SORCS1: variants seen among roughly 807,000 people sequenced by gnomAD.
SORCS1 encodes the protein sortilin related VPS10 domain containing receptor 1, also known as VPS10 domain-containing receptor SorCS1.
Under a neutral mutation model 146.1 loss-of-function variants are expected in SORCS1, and 60 were observed. That is an observed-to-expected ratio of 0.41 (90% CI 0.33 to 0.51). SORCS1 has a LOEUF of 0.51. Ranked by LOEUF, SORCS1 falls within the 20% of genes least tolerant of loss-of-function variation. The pLI, the probability that SORCS1 is intolerant of heterozygous loss-of-function variation, is 0.21. For synonymous variants in SORCS1, 637 were observed against 584.0 expected, an observed-to-expected ratio of 1.09 and a Z score of -1.31; for missense variants, 1,352 against 1,487.6, an observed-to-expected ratio of 0.91 and a Z score of 1.50.
the SORCS1 span, among the ~76,000 whole-genome samples, chr10:107,176,181 G>T: frequency 6.6e-6 from 1 of 151,698 alleles, no homozygotes; most frequent in African/African-American, 2.4e-5. Context: ...TTTGATTCAT[G>T]AGTTATTAAA....
intron 1 of SORCS1, among the ~76,000 whole-genome samples, chr10:107,086,660 T>C (rs1419472461): frequency 6.6e-6 from 1 of 152,182 alleles, no homozygotes; most frequent in African/African-American, 2.4e-5. Context: ...TAGCCATTAG[T>C]TGTATTAAGT....
At chr10:106,993,873 G>A (rs1956875426) in intron 1 of SORCS1, among the ~76,000 whole-genome samples, 1 of 151,908 alleles carries the variant, frequency 6.6e-6, no homozygotes, top group Non-Finnish European at 1.5e-5. Context: ...AGGAGTTTGA[G>A]ACCGGCCTGG....
intron 2 of SORCS1, among the ~76,000 whole-genome samples, chr10:106,910,672 T>C (rs1952109001): frequency 6.6e-6 from 1 of 152,198 alleles, no homozygotes; most frequent in Non-Finnish European, 1.5e-5. Context: ...CAAATTATTA[T>C]CTACTGAACA....
chr10:106,680,360 T>C (rs1852344697), intron 10 of SORCS1, among the ~76,000 whole-genome samples: 1 of 152,176 alleles, frequency 6.6e-6, no homozygotes, highest in South Asian at 2.1e-4. Context: ...TGGGAGGATT[T>C]TGAAAAAGTA....
chr10:107,152,828 T>C (rs1968936196), intron 1 of SORCS1, among the ~76,000 whole-genome samples: 1 of 152,228 alleles, frequency 6.6e-6, no homozygotes, highest in African/African-American at 2.4e-5. Flanking sequence ...CTGACACTTT[T>C]GCCTTTTATT....
chr10:106,937,441 G>A (rs955640152), intron 2 of SORCS1, among the ~76,000 whole-genome samples: 1 of 151,644 alleles, frequency 6.6e-6, no homozygotes, highest in African/African-American at 2.4e-5. Context: ...GCCTCCCAAA[G>A]TGCTAGAATT....
intron 5 of SORCS1, among the ~76,000 whole-genome samples, chr10:106,760,576 A>G (rs113150925): frequency 4.7e-4 from 71 of 152,020 alleles, no homozygotes; most frequent in African/African-American, 1.7e-3. Flanking sequence ...CTGCCGGCAC[A>G]TTGATCTCGA....
At chr10:106,618,905 T>A (rs926098493) in intron 20 of SORCS1, among the ~76,000 whole-genome samples, 3 of 151,846 alleles carry the variant, frequency 2.0e-5, no homozygotes, top group Non-Finnish European at 2.9e-5. Flanking sequence ...GAAAAAAAAA[T>A]TTGGCGTGGT....
intron 2 of SORCS1, among the ~76,000 whole-genome samples, chr10:106,923,570 C>T (rs1035331319): frequency 1.3e-5 from 2 of 152,212 alleles, no homozygotes; most frequent in Non-Finnish European, 2.9e-5. Context: ...AACCACTCTG[C>T]ATTTCCACCA....
chr10:106,685,115 G>A (rs1852726558), intron 10 of SORCS1, among the ~76,000 whole-genome samples: 1 of 152,108 alleles, frequency 6.6e-6, no homozygotes, highest in Non-Finnish European at 1.5e-5. Context: ...TTAACTTTGG[G>A]TTCCACTTGA....
chr10:106,595,947 A>T (rs1199547413), intron 24 of SORCS1, among the ~76,000 whole-genome samples: 2 of 152,228 alleles, frequency 1.3e-5, no homozygotes, highest in Admixed American at 1.3e-4. Context: ...TAATAATAAC[A>T]GTAAAAATAA....
chr10:107,037,597 G>A (rs769453572), intron 1 of SORCS1, among the ~76,000 whole-genome samples: 24 of 152,226 alleles, frequency 1.6e-4, no homozygotes, highest in Non-Finnish European at 2.6e-4. Flanking sequence ...CAAAATTGTG[G>A]AGAAACTTGG....
At chr10:106,625,646 A>G (rs1284111998) in intron 19 of SORCS1, among the ~76,000 whole-genome samples, 1 of 152,180 alleles carries the variant, frequency 6.6e-6, no homozygotes. Flanking sequence ...TGGGTTTTCA[A>G]GCTACACAGA....
At chr10:106,777,040 C>T (rs527323265) in intron 3 of SORCS1, among the ~76,000 whole-genome samples, 3 of 152,304 alleles carry the variant, frequency 2.0e-5, no homozygotes, top group East Asian at 1.9e-4. Flanking sequence ...GCCTTATGCA[C>T]TTTCCATTTT....
chr10:106,725,801 C>T (rs547073565), intron 6 of SORCS1, among the ~76,000 whole-genome samples: 45 of 151,412 alleles, frequency 3.0e-4, no homozygotes, highest in African/African-American at 1.0e-3. Flanking sequence ...TGTGGTGGTG[C>T]ACGCCTGGAG....
chr10:107,129,140 C>T (rs1378861140), intron 1 of SORCS1, among the ~76,000 whole-genome samples: 2 of 152,170 alleles, frequency 1.3e-5, no homozygotes, highest in Non-Finnish European at 2.9e-5. Context: ...TTGCTATTGA[C>T]AGCAGACTGG....
At chr10:107,159,334 T>C (rs1389745868) in intron 1 of SORCS1, among the ~76,000 whole-genome samples, 2 of 152,154 alleles carry the variant, frequency 1.3e-5, no homozygotes, top group East Asian at 3.9e-4. Context: ...AGTATTAAAT[T>C]AGTTTTGACC....
At chr10:106,650,665 T>C (rs944223157) in intron 18 of SORCS1, among the ~76,000 whole-genome samples, 2 of 152,190 alleles carry the variant, frequency 1.3e-5, no homozygotes, top group Admixed American at 1.3e-4. Context: ...TAGCCAACAC[T>C]TTCTACTCGG....
chr10:106,901,426 C>A (rs894861036), intron 2 of SORCS1, among the ~76,000 whole-genome samples: 1 of 152,082 alleles, frequency 6.6e-6, no homozygotes, highest in African/African-American at 2.4e-5. Flanking sequence ...TAAAGGTATG[C>A]AGTTTTTTGG....
Sources: allele counts gnomAD v4.1 joint callset (sites outside exome capture counted in the v4.1 genomes callset), GRCh38; gene constraint gnomAD v4.1.1; transcripts MANE v1.5; gene names NCBI Gene and HGNC (gene_info 2026-07-23, HGNC 2026-07-21).